Variants in LMNTD1 observed in about 807,000 individuals in gnomAD.
The protein encoded by LMNTD1 is lamin tail domain containing 1, also known as lamin tail domain-containing protein 1.
Under a neutral mutation model 50.9 loss-of-function variants are expected in LMNTD1, and 35 were observed. The observed-to-expected ratio is 0.69, with a 90% CI of 0.53 to 0.91. The LOEUF is 0.91. Among genes scored for constraint, LMNTD1 ranks in the 40% least tolerant of loss-of-function variants. The pLI, the probability that LMNTD1 is intolerant of heterozygous loss-of-function variation, is 0.00. For missense variants in LMNTD1, 470 were observed against 475.5 expected (o/e 0.99, Z 0.11); for synonymous variants, 153 against 161.9 (o/e 0.94, Z 0.42).
chr12:25,621,608 C>T (rs1026279287), intron 1 of LMNTD1, among the ~76,000 whole-genome samples: 4 of 152,150 alleles, frequency 2.6e-5, no homozygotes, highest in African/African-American at 9.7e-5. Flanking sequence ...CCAACACCTC[C>T]TCATATTTCT....
intron 1 of LMNTD1, among the ~76,000 whole-genome samples, chr12:25,632,192 G>A (rs539917689): frequency 6.6e-6 from 1 of 152,278 alleles, no homozygotes; most frequent in South Asian, 2.1e-4. Flanking sequence ...GTATTCCTGA[G>A]GAAGAAGAGA....
chr12:25,645,473 C>T (rs1249383430), intron 1 of LMNTD1, among the ~76,000 whole-genome samples: 2 of 152,186 alleles, frequency 1.3e-5, no homozygotes, highest in African/African-American at 4.8e-5. Flanking sequence ...TACATTATTA[C>T]TGGATGTTCA....
intron 1 of LMNTD1, among the ~76,000 whole-genome samples, chr12:25,618,179 G>A (rs146991075): frequency 3.8e-4 from 58 of 152,076 alleles, no homozygotes; most frequent in African/African-American, 1.4e-3. Flanking sequence ...GAGAAGTGTG[G>A]GATTTTACTC....
intron 9 of LMNTD1, among the ~76,000 whole-genome samples, chr12:25,496,789 A>G (rs10842569): frequency 0.26 from 39,821 of 151,992 alleles, 5,467 homozygotes; most frequent in Middle Eastern, 0.34. Flanking sequence ...AATGTTGTGC[A>G]ACCATCATCT....
intron 1 of LMNTD1, among the ~76,000 whole-genome samples, chr12:25,572,512 A>G (rs1198926186): frequency 6.6e-6 from 1 of 152,224 alleles, no homozygotes. Flanking sequence ...TCAAATGAAG[A>G]CCATATACAG....
At chr12:25,594,143 G>A (rs560548155) in intron 1 of LMNTD1, among the ~76,000 whole-genome samples, 11 of 152,300 alleles carry the variant, frequency 7.2e-5, no homozygotes, top group Admixed American at 2.0e-4. Flanking sequence ...AACATACTTG[G>A]GGAATAATCA....
At chr12:25,566,191 C>T (rs966330496) in intron 1 of LMNTD1, among the ~76,000 whole-genome samples, 1 of 152,148 alleles carries the variant, frequency 6.6e-6, no homozygotes, top group African/African-American at 2.4e-5. Flanking sequence ...CTACCCCTCT[C>T]TCTTTCTCTA....
intron 1 of LMNTD1, among the ~76,000 whole-genome samples, chr12:25,597,249 G>T (rs1945862297): frequency 6.6e-6 from 1 of 151,848 alleles, no homozygotes; most frequent in Admixed American, 6.6e-5. Context: ...AAGACATAGA[G>T]TGGCTGAAAC....
chr12:25,635,240 C>CAAAA (rs35630911), intron 1 of LMNTD1, among the ~76,000 whole-genome samples: 16 of 114,002 alleles, frequency 1.4e-4, no homozygotes, highest in Admixed American at 4.7e-4. Context: ...AACTCTGTCT[C>CAAAA]AAAAAAAAAA....
In LMNTD1 at chr12:25,512,359, A is replaced by G. The variant is rs111766155; in HGVS notation, c.1189+6436T>C. On this transcript the variant is annotated intron_variant, in intron 8 of 9. Coordinates refer to ENST00000458174, the MANE Select transcript of LMNTD1 (RefSeq NM_001145728.2). ...TCATGGATGTTGCTTTAGGGAGCAA[A>G]GGAGGGGAATAGGACTAGGACTAGA... Among the ~76,000 whole-genome samples, 549 of 152,332 alleles carry G rather than the reference A, an allele frequency of 3.6e-3. 4 individuals carry two copies. Among genetic ancestry groups the G allele is most frequent in the Non-Finnish European group, 6.2e-3 (422 of 68,014 alleles).
At chr12:25,558,487 G>A (rs914943580) in intron 1 of LMNTD1, among the ~76,000 whole-genome samples, 3 of 152,242 alleles carry the variant, frequency 2.0e-5, no homozygotes, top group African/African-American at 7.2e-5. Context: ...TTTGTTTCAA[G>A]AAATTTTCAA....
intron 1 of LMNTD1, among the ~76,000 whole-genome samples, chr12:25,635,298 C>T (rs1038972326): frequency 6.9e-6 from 1 of 144,952 alleles, no homozygotes; most frequent in Non-Finnish European, 1.5e-5. Context: ...TTTCCAGTTA[C>T]AAGATTAATG....
chr12:25,575,794 T>C (rs1294268731), intron 1 of LMNTD1, among the ~76,000 whole-genome samples: 1 of 152,172 alleles, frequency 6.6e-6, no homozygotes, highest in South Asian at 2.1e-4. Flanking sequence ...ACCCATTAAC[T>C]CGTCACTTCC....
At chr12:25,582,037 T>C (rs370611039) in intron 1 of LMNTD1, among the ~76,000 whole-genome samples, 14 of 152,366 alleles carry the variant, frequency 9.2e-5, no homozygotes, top group African/African-American at 3.4e-4. Flanking sequence ...TCCTCATCCA[T>C]GTGAAGGGGC....
intron 1 of LMNTD1, among the ~76,000 whole-genome samples, chr12:25,571,277 T>A (rs1944778158): frequency 1.3e-5 from 2 of 152,352 alleles, no homozygotes; most frequent in South Asian, 4.1e-4. Flanking sequence ...TTTGTTCTCG[T>A]ATCAATGTGA....
At chr12:25,598,030 T>C (rs953253909) in intron 1 of LMNTD1, among the ~76,000 whole-genome samples, 3 of 152,066 alleles carry the variant, frequency 2.0e-5, no homozygotes, top group African/African-American at 7.2e-5. Context: ...CTGATGTTTT[T>C]ATAAAGGGAG....
intron 1 of LMNTD1, among the ~76,000 whole-genome samples, chr12:25,563,922 G>A (rs537590758): frequency 3.9e-5 from 6 of 152,272 alleles, no homozygotes; most frequent in East Asian, 1.9e-4. Flanking sequence ...GTGAGGCTCC[G>A]TAGGCGTGGG....
At chr12:25,557,669 T>A (rs547852526), upstream of LMNTD1, among the ~76,000 whole-genome samples, 426 of 152,298 alleles carry the variant, frequency 2.8e-3, no homozygotes, top group South Asian at 5.6e-3. Flanking sequence ...TAGTAATTTT[T>A]AAAAAAATAC....
intron 9 of LMNTD1, among the ~76,000 whole-genome samples, chr12:25,491,025 G>A (rs913932494): frequency 6.6e-6 from 1 of 152,260 alleles, no homozygotes; most frequent in Non-Finnish European, 1.5e-5. Context: ...GCTCTTGCCA[G>A]ATAGAGATGG....
Sources: gnomAD v4.1 joint callset for allele counts (sites outside exome capture counted in the v4.1 genomes callset) on GRCh38, gnomAD v4.1.1 for gene constraint, MANE v1.5 for transcripts, NCBI Gene and HGNC (gene_info 2026-07-23, HGNC 2026-07-21) for gene names.